The following CAMKMT variants were observed in gnomAD, a reference collection of about 807,000 sequenced individuals.
CAMKMT encodes the protein calmodulin-lysine N-methyltransferase, also known as CaM KMT.
CAMKMT carries 53 observed loss-of-function variants against 48.0 expected under a neutral mutation model. The observed-to-expected ratio is 1.10, with a 90% CI of 0.89 to 1.39. The LOEUF (loss-of-function observed/expected upper bound fraction) is 1.39, where lower values mean the gene tolerates loss of function less well. CAMKMT is among the 40% of genes most tolerant of loss of function. The pLI, the probability that CAMKMT is intolerant of heterozygous loss-of-function variation, is 0.00. For missense variants in CAMKMT, 428 were observed against 402.7 expected (o/e 1.06, Z -0.54); for synonymous variants, 165 against 152.3 (o/e 1.08, Z -0.61).
intron 3 of CAMKMT, among the ~76,000 whole-genome samples, chr2:44,527,469 C>G (rs2104816907): frequency 7.0e-6 from 1 of 142,474 alleles, no homozygotes; most frequent in East Asian, 2.0e-4. Context: ...TCTCTGTTGC[C>G]CAGGCTGGTC....
At chr2:44,460,268 TA>T (rs1667779840) in intron 3 of CAMKMT, among the ~76,000 whole-genome samples, 1 of 152,152 alleles carries the variant, frequency 6.6e-6, no homozygotes, top group African/African-American at 2.4e-5. Context: ...ATAATTTTCA[TA>T]AAAATGTAAA....
intron 3 of CAMKMT, among the ~76,000 whole-genome samples, chr2:44,546,126 T>C (rs2103630953): frequency 6.6e-6 from 1 of 151,222 alleles, no homozygotes; most frequent in East Asian, 1.9e-4. Context: ...ATCATATTCT[T>C]TTGGATCTGG....
chr2:44,733,328 TTC>T (rs1679181957), intron 7 of CAMKMT, among the ~76,000 whole-genome samples: 1 of 152,186 alleles, frequency 6.6e-6, no homozygotes, highest in Admixed American at 6.5e-5. Flanking sequence ...AAATTCCAAC[TTC>T]CAATTATTTG....
chr2:44,605,532 G>A (rs1372518001), intron 3 of CAMKMT, among the ~76,000 whole-genome samples: 2 of 152,024 alleles, frequency 1.3e-5, no homozygotes, highest in Non-Finnish European at 2.9e-5. Context: ...AAAGTAATGA[G>A]AATAACTCAG....
chr2:44,455,387 G>A (rs535779709), intron 3 of CAMKMT, among the ~76,000 whole-genome samples: 26 of 152,158 alleles, frequency 1.7e-4, no homozygotes, highest in Non-Finnish European at 3.2e-4. Context: ...AGCAGTGCAG[G>A]AAGAAGAGAA....
chr2:44,594,294 A>C (rs1405041360), intron 3 of CAMKMT, among the ~76,000 whole-genome samples: 1 of 152,200 alleles, frequency 6.6e-6, no homozygotes, highest in Non-Finnish European at 1.5e-5. Context: ...CTTTCTTCAC[A>C]GAATTGGAAA....
chr2:44,697,728 G>A (rs115467456), intron 3 of CAMKMT, among the ~76,000 whole-genome samples: 2,363 of 152,072 alleles, frequency 0.016, 51 homozygotes, highest in African/African-American at 0.053. Flanking sequence ...AGCAGATGGC[G>A]TGGGGTGGAT....
chr2:44,590,544 A>T (rs1414617257), intron 3 of CAMKMT, among the ~76,000 whole-genome samples: 3 of 152,142 alleles, frequency 2.0e-5, no homozygotes, highest in Non-Finnish European at 4.4e-5. Flanking sequence ...TTTTGGCTGC[A>T]TAAATGTCTT....
At chr2:44,514,113 AAAAAG>A (rs1670715736) in intron 3 of CAMKMT, among the ~76,000 whole-genome samples, 1 of 152,026 alleles carries the variant, frequency 6.6e-6, no homozygotes, top group Admixed American at 6.6e-5. Flanking sequence ...AAAAAAAAAA[AAAAAG>A]AAAATCCTTC....
chr2:44,534,226 A>G (rs548848537), intron 3 of CAMKMT, among the ~76,000 whole-genome samples: 1 of 152,326 alleles, frequency 6.6e-6, no homozygotes, highest in East Asian at 1.9e-4. Flanking sequence ...TATAAAGCAG[A>G]TATTACTAGA....
chr2:44,647,263 C>G (rs918416454), intron 3 of CAMKMT, among the ~76,000 whole-genome samples: 3 of 152,178 alleles, frequency 2.0e-5, no homozygotes, highest in Non-Finnish European at 2.9e-5. Context: ...CTTTTAGTTT[C>G]TTTGTTGTAC....
chr2:44,602,826 C>A (rs966912895), intron 3 of CAMKMT, among the ~76,000 whole-genome samples: 1 of 152,094 alleles, frequency 6.6e-6, no homozygotes, highest in Non-Finnish European at 1.5e-5. Flanking sequence ...CCTCCCCTGA[C>A]ACCTGGGGAT....
intron 5 of CAMKMT, among the ~76,000 whole-genome samples, chr2:44,706,731 A>G (rs1429761900): frequency 1.3e-5 from 2 of 151,974 alleles, no homozygotes; most frequent in South Asian, 2.1e-4. Context: ...TATTACACCA[A>G]CAAACATGAT....
intron 3 of CAMKMT, among the ~76,000 whole-genome samples, chr2:44,416,386 A>G (rs1171078986): frequency 5.9e-5 from 9 of 152,120 alleles, no homozygotes; most frequent in East Asian, 1.9e-4. Flanking sequence ...CATGTAACCT[A>G]TGGAACATTT....
chr2:44,493,829 G>T (rs7606404), intron 3 of CAMKMT, among the ~76,000 whole-genome samples: 9,488 of 152,070 alleles, frequency 0.062, 369 homozygotes, highest in South Asian at 0.15. Flanking sequence ...TTTTTGAAGG[G>T]TTTTACTTTG....
chr2:44,432,124 A>T (rs1684687204), intron 3 of CAMKMT, among the ~76,000 whole-genome samples: 1 of 152,138 alleles, frequency 6.6e-6, no homozygotes, highest in East Asian at 1.9e-4. Flanking sequence ...ACATACAGAG[A>T]AATAAGAATG....
At position 44,735,127 on chromosome 2, in the gene CAMKMT, G is replaced by A. The variant is rs138300649; in HGVS notation, c.624-8495G>A. 1.7e-3 allele frequency among the ~76,000 whole-genome samples: 261 copies of A among 152,248 alleles called. 1 individual carries two copies. The highest frequency in any genetic ancestry group is 6.0e-3 in the African/African-American group (251 of 41,552). ...CTTCCTTATTCCTAGTACATTCTTT[G>A]CTCTGAAATCTACTATGTCTGATAT... On this transcript the variant is annotated intron_variant, in intron 7 of 10. Transcript: ENST00000378494.
chr2:44,737,354 C>A (rs1172962369), intron 7 of CAMKMT, among the ~76,000 whole-genome samples: 4 of 152,152 alleles, frequency 2.6e-5, no homozygotes, highest in African/African-American at 7.2e-5. Context: ...TGACCTCAAG[C>A]AGTCCTCCCA....
chr2:44,579,504 G>A lies in CAMKMT; in HGVS notation c.377-124779G>A, dbSNP rs186867304. Among the ~76,000 whole-genome samples, 257 of 152,274 alleles carry A rather than the reference G, an allele frequency of 1.7e-3. 3 individuals are homozygous for A. The highest frequency in any genetic ancestry group is 2.9e-4 in the Non-Finnish European group (20 of 68,018). The stretch of plus-strand genomic sequence containing the variant: ...ACATCACATTCTTTGACTCTATTGC[G>A]AGGTAGAAGCTGCATGGAAAGAAAG... On this transcript the variant is annotated intron_variant, in intron 3 of 10. Transcript: ENST00000378494.
Sources: gnomAD v4.1 joint callset for allele counts (sites outside exome capture counted in the v4.1 genomes callset) on GRCh38, gnomAD v4.1.1 for gene constraint, MANE v1.5 for transcripts, NCBI Gene and HGNC (gene_info 2026-07-23, HGNC 2026-07-21) for gene names.